The following VAV3 variants were observed in gnomAD, a reference collection of about 807,000 sequenced individuals.
The protein encoded by VAV3 is guanine nucleotide exchange factor VAV3.
Under a neutral mutation model 131.2 loss-of-function variants are expected in VAV3, and 94 were observed. That is an observed-to-expected ratio of 0.72 (90% confidence interval 0.61 to 0.85). VAV3 has a LOEUF of 0.85. Among genes scored for constraint, VAV3 ranks in the 40% least tolerant of loss-of-function variants. VAV3 has a pLI of 0.00. For missense variants in VAV3, 939 were observed against 1,002.7 expected (o/e 0.94, Z 0.86); for synonymous variants, 349 against 342.0 (o/e 1.02, Z -0.22).
intron 1 of VAV3, among the ~76,000 whole-genome samples, chr1:107,904,033 C>T (rs1671992294): frequency 6.6e-6 from 1 of 152,144 alleles, no homozygotes; most frequent in Admixed American, 6.5e-5. Flanking sequence ...GCTAACCTAT[C>T]CTACCCATTA....
At chr1:107,693,562 A>T (rs996078005) in intron 17 of VAV3, among the ~76,000 whole-genome samples, 4 of 152,194 alleles carry the variant, frequency 2.6e-5, no homozygotes, top group Admixed American at 6.5e-5. Flanking sequence ...TTCCAACCCA[A>T]GGAAGACAAC....
At chr1:107,922,040 C>T (rs1429743661) in intron 1 of VAV3, among the ~76,000 whole-genome samples, 1 of 152,170 alleles carries the variant, frequency 6.6e-6, no homozygotes, top group Non-Finnish European at 1.5e-5. Flanking sequence ...AGATTCAGTG[C>T]TTGTGAAATG....
intron 17 of VAV3, among the ~76,000 whole-genome samples, chr1:107,700,646 G>A (rs1660059887): frequency 1.3e-5 from 2 of 152,156 alleles, no homozygotes; most frequent in South Asian, 4.1e-4. Flanking sequence ...TCCTCTTTAT[G>A]TCGGCATGGT....
chr1:107,677,311 T>C (rs539803046), intron 19 of VAV3, among the ~76,000 whole-genome samples: 26 of 152,332 alleles, frequency 1.7e-4, no homozygotes, highest in Admixed American at 8.5e-4. Flanking sequence ...AATATTGTTA[T>C]ACAAAGTCAA....
intron 2 of VAV3, among the ~76,000 whole-genome samples, chr1:107,866,822 C>CAGAAAAA (rs1670008197): frequency 1.7e-5 from 1 of 59,200 alleles, no homozygotes; most frequent in African/African-American, 8.2e-5. Context: ...GACTCCATCT[C>CAGAAAAA]AAAAAAAAAA....
At chr1:107,723,478 G>GTT (rs1661629642) in intron 15 of VAV3, among the ~76,000 whole-genome samples, 1 of 110,028 alleles carries the variant, frequency 9.1e-6, no homozygotes, top group Non-Finnish European at 2.0e-5. Context: ...GACCTACCCT[G>GTT]TTTTTGCCAA....
At chr1:107,839,899 C>T (rs1668620698) in intron 2 of VAV3, among the ~76,000 whole-genome samples, 1 of 152,154 alleles carries the variant, frequency 6.6e-6, no homozygotes, top group Admixed American at 6.5e-5. Flanking sequence ...ATGAACAACA[C>T]TATGCCCACA....
At chr1:107,751,026 C>A in intron 13 of VAV3, 91 bp downstream of exon 13, 3 of 1,238,088 alleles carry the variant, frequency 2.4e-6, no homozygotes, top group Non-Finnish European at 3.4e-6. Context: ...CTTTTTTCCC[C>A]CTACTTCACA....
rs547772414 is a variant in VAV3 at position 107,772,923 on chromosome 1, G to C, written c.447-80C>G. Reference sequence around the variant, plus strand: ...GCTACAAATAGCCTACTGGATTTTAGTAAAAAATCCAGAAAGGAAATAAAA... The same window carrying C: ...GCTACAAATAGCCTACTGGATTTTACTAAAAAATCCAGAAAGGAAATAAAA... On this transcript the variant is annotated intron_variant, in intron 4 of 26. Coordinates refer to ENST00000370056, the MANE Select transcript of VAV3 (RefSeq NM_006113.5). 1.2e-5 allele frequency: 14 copies of C among 1,204,806 alleles called. No individual in the cohort carries two copies. Among genetic ancestry groups the C allele is most frequent in the Admixed American group, 2.3e-5 (1 of 43,776 alleles). 74.6% of individuals were successfully genotyped at this position (1,204,806 alleles called of 1,614,324 possible). A position where few individuals can be genotyped will look rare whatever the true frequency, so the allele number is the denominator to read the frequency against.
intron 2 of VAV3, among the ~76,000 whole-genome samples, chr1:107,850,148 T>C (rs972255240): frequency 1.3e-5 from 2 of 152,222 alleles, no homozygotes; most frequent in African/African-American, 4.8e-5. Context: ...TCAACTAATG[T>C]GGAAGACAGT....
chr1:107,601,455 T>C (rs949735365), intron 24 of VAV3, among the ~76,000 whole-genome samples: 1 of 152,226 alleles, frequency 6.6e-6, no homozygotes, highest in African/African-American at 2.4e-5. Context: ...TCAGTTTAAC[T>C]TTAATGTTAA....
Position 107,789,489 on chromosome 1 carries a change from T to C in VAV3, c.322-9997A>G, listed in dbSNP as rs189318552. Reference sequence around the variant, plus strand: ...GTTTCAAACCATCTAACAGAAGTTATGACTGCCTACCAGACTAGGAGAATA... The same window carrying C: ...GTTTCAAACCATCTAACAGAAGTTACGACTGCCTACCAGACTAGGAGAATA... On this transcript the variant is annotated intron_variant, in intron 2 of 26. Transcript: ENST00000370056. Among the ~76,000 whole-genome samples, 3 of 152,350 alleles carry C rather than the reference T, an allele frequency of 2.0e-5. No individual in the cohort carries two copies. In the East Asian group the frequency reaches 5.8e-4, roughly 29 times the overall value.
intron 2 of VAV3, among the ~76,000 whole-genome samples, chr1:107,845,211 C>T (rs1006731989): frequency 2.0e-5 from 3 of 152,164 alleles, no homozygotes; most frequent in African/African-American, 4.8e-5. Context: ...AGAGGCCTGA[C>T]TGTGAGAAAG....
chr1:107,923,374 T>A (rs531191537), intron 1 of VAV3, among the ~76,000 whole-genome samples: 2 of 152,170 alleles, frequency 1.3e-5, no homozygotes, highest in East Asian at 3.9e-4. Context: ...CTGAAGGTGA[T>A]GGTATTAGGA....
At chr1:107,701,826 A>G (rs367827767) in intron 17 of VAV3, among the ~76,000 whole-genome samples, 1 of 152,094 alleles carries the variant, frequency 6.6e-6, no homozygotes, top group Non-Finnish European at 1.5e-5. Context: ...CCTCATCTCC[A>G]TTTGGGACCA....
At chr1:107,705,768 C>T (rs1660411834) in intron 15 of VAV3, among the ~76,000 whole-genome samples, 1 of 152,078 alleles carries the variant, frequency 6.6e-6, no homozygotes, top group Admixed American at 6.6e-5. Context: ...CACATCAATC[C>T]TAACTGCCTG....
chr1:107,658,765 T>C (rs1316085876), intron 19 of VAV3, among the ~76,000 whole-genome samples: 4 of 152,228 alleles, frequency 2.6e-5, no homozygotes, highest in Non-Finnish European at 5.9e-5. Context: ...AAGTGTCTGT[T>C]GATATCCTTC....
chr1:107,963,031 AGAG>A (rs1424825736), intron 1 of VAV3, among the ~76,000 whole-genome samples: 1 of 152,206 alleles, frequency 6.6e-6, no homozygotes, highest in Non-Finnish European at 1.5e-5. Flanking sequence ...ATCTAACATA[AGAG>A]GAGAAGAGTG....
At chr1:107,895,164 G>C (rs915220203) in intron 1 of VAV3, among the ~76,000 whole-genome samples, 3 of 152,064 alleles carry the variant, frequency 2.0e-5, no homozygotes, top group Non-Finnish European at 4.4e-5. Context: ...GGAACACAGG[G>C]CTGCAATGAT....
Sources: gnomAD v4.1 joint callset for allele counts (sites outside exome capture counted in the v4.1 genomes callset) on GRCh38, gnomAD v4.1.1 for gene constraint, MANE v1.5 for transcripts, NCBI Gene and HGNC (gene_info 2026-07-23, HGNC 2026-07-21) for gene names.